Variants in PRKAG2 observed in about 807,000 individuals in gnomAD.
PRKAG2 encodes protein kinase AMP-activated non-catalytic subunit gamma 2.
In PRKAG2, 26 loss-of-function variants were observed where a neutral mutation model predicts 69.6. That is an observed-to-expected ratio of 0.37 (90% CI 0.27 to 0.52). The LOEUF (loss-of-function observed/expected upper bound fraction) is 0.52. PRKAG2 is among the 20% of genes least tolerant of loss of function. The probability of loss-of-function intolerance (pLI) is 0.90; values close to 1 mark genes in which losing one functional copy is unlikely to be tolerated. For missense variants in PRKAG2, 557 were observed against 740.0 expected (o/e 0.75, Z 2.87); for synonymous variants, 293 against 285.0 (o/e 1.03, Z -0.28).
chr7:151,709,520 AGTGACCTGT>A (rs1390804422), intron 3 of PRKAG2, among the ~76,000 whole-genome samples: 1 of 152,142 alleles, frequency 6.6e-6, no homozygotes, highest in Non-Finnish European at 1.5e-5. Context: ...ATTGACACTG[AGTGACCTGT>A]GTGACATGGT....
At chr7:151,866,037 A>G (rs189851792) in intron 1 of PRKAG2, among the ~76,000 whole-genome samples, 3,953 of 146,560 alleles carry the variant, frequency 0.027, 87 homozygotes, top group Non-Finnish European at 0.046. Context: ...AAAAAAAAAG[A>G]AAAAGAAAAG....
At chr7:151,844,313 C>A (rs2079378684) in intron 1 of PRKAG2, among the ~76,000 whole-genome samples, 2 of 152,288 alleles carry the variant, frequency 1.3e-5, no homozygotes, top group Non-Finnish European at 2.9e-5. Context: ...TCATCCCTAA[C>A]ACCTCGTCTC....
intron 1 of PRKAG2, among the ~76,000 whole-genome samples, chr7:151,802,885 G>A (rs2077911658): frequency 6.6e-6 from 1 of 151,754 alleles, no homozygotes; most frequent in African/African-American, 2.4e-5. Flanking sequence ...AAAAAAGGGG[G>A]CTCAGGACTC....
At position 151,746,626 on chromosome 7, in the gene PRKAG2, A is replaced by C. The variant is rs559522617; in HGVS notation, c.466+34526T>G. On this transcript the variant is annotated intron_variant, in intron 3 of 15. Transcript: ENST00000287878. ...TCTCAGGAGCTCCACTAGCTCAGGC[A>C]CAAGGTGCCCGAAAGGACCTCGCGT... Among the ~76,000 whole-genome samples, 5 of 152,380 alleles carry C rather than the reference A, an allele frequency of 3.3e-5. No homozygotes were observed. The East Asian group carries it at 7.7e-4, about 24-fold the overall frequency.
chr7:151,632,027 G>GAA lies in PRKAG2; in HGVS notation c.754+41_754+42insTT. On this transcript the variant is annotated intron_variant, in intron 5 of 15. Transcript: ENST00000287878. This position sits in a 1 kb window ranked among gnomAD's most constrained non-coding sequence, Gnocchi z 4.2. ...CGGGTCCCGGTCCTCGGGCGGCCGG[G>GAA]CCGTGGGAGCGCCGGGCCGGCAGCG... The GAA allele has an allele frequency of 2.3e-6, 3 of 1,288,660 alleles. No individual in the cohort carries two copies. The highest frequency in any genetic ancestry group is 3.6e-5 in the East Asian group (1 of 27,906). The allele number at this position is 1,288,660 out of a possible 1,614,324, so 79.8% of individuals were successfully genotyped here.
intron 3 of PRKAG2, among the ~76,000 whole-genome samples, chr7:151,680,608 T>G (rs1343531471): frequency 6.6e-6 from 1 of 152,192 alleles, no homozygotes; most frequent in African/African-American, 2.4e-5. Context: ...TCATATCCCC[T>G]TTTTGATTTT....
At chr7:151,689,311 T>C (rs2536086) in intron 3 of PRKAG2, among the ~76,000 whole-genome samples, 72,122 of 151,894 alleles carry the variant, frequency 0.47, 17,357 homozygotes, top group Middle Eastern at 0.53. Context: ...CCTCTGATCA[T>C]CCAGGCTCAC....
intron 4 of PRKAG2, among the ~76,000 whole-genome samples, chr7:151,664,155 C>T (rs1326093165): frequency 6.6e-6 from 1 of 152,162 alleles, no homozygotes; most frequent in South Asian, 2.1e-4. Flanking sequence ...CTGAGAATCT[C>T]GGATCTCTCC....
At chr7:151,559,834 G>A (rs1426718998) in intron 15 of PRKAG2, 6 of 985,166 alleles carry the variant, frequency 6.1e-6, no homozygotes, top group African/African-American at 1.7e-5. Flanking sequence ...CTGGGGAGGT[G>A]GAGGGATGGG....
rs2079124485 is a variant in PRKAG2, at chr7:151,835,383, CG to C, written c.114+41123del. Among the ~76,000 whole-genome samples, 5 of 151,738 alleles carry C rather than the reference CG, an allele frequency of 3.3e-5. No individual in the cohort carries two copies. The South Asian group carries it at 1.0e-3, about 32-fold the overall frequency. ...TATTATTTTTAATTTTTTGTAGAGACGGGTCTCCCTATGTTGCCCAGGCTGG... is the reference window on the plus strand; with the variant it reads ...TATTATTTTTAATTTTTTGTAGAGACGGTCTCCCTATGTTGCCCAGGCTGG... On this transcript the variant is annotated intron_variant, in intron 1 of 15. Coordinates refer to ENST00000287878, the MANE Select transcript of PRKAG2 (RefSeq NM_016203.4). This position sits in a 1 kb window ranked among gnomAD's most constrained non-coding sequence, Gnocchi z 4.1.
chr7:151,558,320 T>G, intron 15 of PRKAG2: 3 of 985,472 alleles, frequency 3.0e-6, no homozygotes, highest in Non-Finnish European at 3.6e-6. Flanking sequence ...AACTGCCTCT[T>G]ACTGACTATT....
chr7:151,747,619 T>G lies in PRKAG2; in HGVS notation c.466+33533A>C, dbSNP rs1310647006. Among the ~76,000 whole-genome samples, 3 of 152,090 alleles carry G rather than the reference T, an allele frequency of 2.0e-5. No homozygotes were observed. In the East Asian group the frequency reaches 5.8e-4, roughly 29 times the overall value. On this transcript the variant is annotated intron_variant, in intron 3 of 15. Coordinates refer to ENST00000287878, the MANE Select transcript of PRKAG2 (RefSeq NM_016203.4). ...TAAAGTATGTAATGCATCTGACACT[T>G]AAAAAAGATGTATGCTCTGGTACTC...
At chr7:151,562,819 T>TTGGTGGGTGTGG (rs1805366020) in intron 14 of PRKAG2, among the ~76,000 whole-genome samples, 1 of 82,240 alleles carries the variant, frequency 1.2e-5, no homozygotes, top group Non-Finnish European at 2.3e-5. Context: ...TACAAAAAAT[T>TTGGTGGGTGTGG]AGGCGGGCGC....
chr7:151,796,690 C>A (rs1289864528), intron 1 of PRKAG2, among the ~76,000 whole-genome samples: 1 of 152,128 alleles, frequency 6.6e-6, no homozygotes. Context: ...CCTCCCAGGG[C>A]TGGATTCCAT....
chr7:151,759,443 T>G (rs956063351), intron 3 of PRKAG2, among the ~76,000 whole-genome samples: 23 of 152,220 alleles, frequency 1.5e-4, no homozygotes, highest in Admixed American at 1.4e-3. Context: ...AGGGCAGGGA[T>G]GGGCTCATTC....
At chr7:151,819,714 G>A (rs2151862722) in intron 1 of PRKAG2, among the ~76,000 whole-genome samples, 1 of 150,668 alleles carries the variant, frequency 6.6e-6, no homozygotes, top group East Asian at 1.9e-4. Flanking sequence ...CCACCTGAAG[G>A]TCTTGAGATA....
At chr7:151,795,813 C>T (rs958394378) in intron 1 of PRKAG2, among the ~76,000 whole-genome samples, 1 of 129,822 alleles carries the variant, frequency 7.7e-6, no homozygotes, top group South Asian at 2.4e-4. Flanking sequence ...CCAGTTCCGA[C>T]CAACGCATGA....
intron 5 of PRKAG2, among the ~76,000 whole-genome samples, chr7:151,629,597 G>A (rs1343687561): frequency 6.6e-6 from 1 of 152,212 alleles, no homozygotes; most frequent in Non-Finnish European, 1.5e-5. Context: ...ACTAGGCAGG[G>A]TAGAACTCAA....
chr7:151,847,606 G>A (rs1236090196), intron 1 of PRKAG2, among the ~76,000 whole-genome samples: 2 of 152,134 alleles, frequency 1.3e-5, no homozygotes, highest in Non-Finnish European at 2.9e-5. Context: ...TCTTCTGAAG[G>A]CTCAGAGCCC....
Sources: allele counts gnomAD v4.1 joint callset (sites outside exome capture counted in the v4.1 genomes callset), GRCh38; gene constraint gnomAD v4.1.1; non-coding constraint Gnocchi (gnomAD v3.1); transcripts MANE v1.5; gene names NCBI Gene and HGNC (gene_info 2026-07-23, HGNC 2026-07-21).